The following PIP5K1B variants were observed in gnomAD, a reference collection of about 807,000 sequenced individuals.
The protein encoded by PIP5K1B is phosphatidylinositol-4-phosphate 5-kinase type 1 beta.
Under a neutral mutation model 67.0 loss-of-function variants are expected in PIP5K1B, and 42 were observed. That is an observed-to-expected ratio of 0.63 (90% confidence interval 0.49 to 0.81). PIP5K1B has a LOEUF of 0.81. PIP5K1B is among the 30% of genes least tolerant of loss of function. The probability of loss-of-function intolerance (pLI) is 0.00; values close to 1 mark genes in which losing one functional copy is unlikely to be tolerated. For synonymous variants in PIP5K1B, 214 were observed against 231.4 expected, an observed-to-expected ratio of 0.92 and a Z score of 0.68; for missense variants, 459 against 646.3, an observed-to-expected ratio of 0.71 and a Z score of 3.14.
intron 2 of PIP5K1B, among the ~76,000 whole-genome samples, chr9:68,768,624 T>C (rs549062834): frequency 6.6e-6 from 1 of 152,364 alleles, no homozygotes; most frequent in East Asian, 1.9e-4. Context: ...GTTTAACTTT[T>C]AAATTTGTTT....
intron 1 of PIP5K1B, among the ~76,000 whole-genome samples, chr9:68,712,190 C>T (rs1057273680): frequency 1.3e-5 from 2 of 152,128 alleles, no homozygotes; most frequent in East Asian, 1.9e-4. Flanking sequence ...TGTTTCAAAG[C>T]GTGTGGCATC....
chr9:68,746,403 C>T (rs1035603960), intron 2 of PIP5K1B, among the ~76,000 whole-genome samples: 3 of 152,158 alleles, frequency 2.0e-5, no homozygotes, highest in Non-Finnish European at 4.4e-5. Flanking sequence ...TTTGGAAGTA[C>T]TGAGACAAGG....
intron 2 of PIP5K1B, chr9:68,780,035 A>G: frequency 4.0e-6 from 5 of 1,256,730 alleles, no homozygotes; most frequent in Non-Finnish European, 5.2e-6. Flanking sequence ...GCGAAGGGCT[A>G]CGCATGCGCA....
rs142866172 is a variant in PIP5K1B at position 68,830,294 on chromosome 9, C to T, written c.69+7611C>T. The stretch of plus-strand genomic sequence containing the variant: ...GCACCCCCCGCCCTGTCAGATCACC[C>T]CTCCAAACACTTGTGCTTCTGTCTC... On this transcript the variant is annotated intron_variant, in intron 4 of 15. Transcript: ENST00000265382. 2.8e-4 allele frequency among the ~76,000 whole-genome samples: 43 copies of T among 152,224 alleles called. No individual in the cohort carries two copies. In the East Asian group the frequency reaches 7.3e-3, roughly 26 times the overall value.
chr9:68,915,410 G>A (rs958747933), intron 8 of PIP5K1B, among the ~76,000 whole-genome samples: 1 of 152,148 alleles, frequency 6.6e-6, no homozygotes, highest in South Asian at 2.1e-4. Flanking sequence ...GTTTCTGTCT[G>A]AAGAAAGCAT....
At chr9:68,754,084 G>A (rs1038883865) in intron 2 of PIP5K1B, among the ~76,000 whole-genome samples, 1 of 152,008 alleles carries the variant, frequency 6.6e-6, no homozygotes, top group Non-Finnish European at 1.5e-5. Context: ...TTATTTAAGG[G>A]AACATTGTCA....
intron 5 of PIP5K1B, among the ~76,000 whole-genome samples, chr9:68,865,582 T>C (rs1823316976): frequency 6.6e-6 from 1 of 152,090 alleles, no homozygotes; most frequent in South Asian, 2.1e-4. Context: ...GGTGGGGGTA[T>C]AAAGACGTTC....
At chr9:68,964,433 T>C (rs145701260) in intron 14 of PIP5K1B, among the ~76,000 whole-genome samples, 27 of 152,344 alleles carry the variant, frequency 1.8e-4, no homozygotes, top group African/African-American at 6.0e-4. Flanking sequence ...CATTGAACTT[T>C]GAATAAATTG....
At chr9:68,729,553 C>A (rs1311522228) in intron 1 of PIP5K1B, among the ~76,000 whole-genome samples, 1 of 152,128 alleles carries the variant, frequency 6.6e-6, no homozygotes, top group Non-Finnish European at 1.5e-5. Flanking sequence ...ATATCTATAT[C>A]TATACACACA....
At chr9:68,836,946 C>T (rs1227320856) in intron 4 of PIP5K1B, among the ~76,000 whole-genome samples, 1 of 152,208 alleles carries the variant, frequency 6.6e-6, no homozygotes, top group Non-Finnish European at 1.5e-5. Flanking sequence ...CCTCAGGCTT[C>T]CATTTCCATG....
At chr9:68,949,226 GT>G (rs1221480748) in intron 14 of PIP5K1B, among the ~76,000 whole-genome samples, 4 of 152,148 alleles carry the variant, frequency 2.6e-5, no homozygotes, top group Non-Finnish European at 5.9e-5. Context: ...GGTAGTGGAT[GT>G]ACCTTTGTAG....
At chr9:68,789,171 A>G (rs898307876) in intron 2 of PIP5K1B, 6 of 565,320 alleles carry the variant, frequency 1.1e-5, no homozygotes, top group African/African-American at 9.5e-5. Context: ...CCAAGGCACC[A>G]TTGACAGTTA....
intron 2 of PIP5K1B, chr9:68,780,589 T>TCACCAGCACC: frequency 6.2e-7 from 1 of 1,614,180 alleles, no homozygotes; most frequent in Non-Finnish European, 8.5e-7. Context: ...TTCATTCCTG[T>TCACCAGCACC]GTCACCAGCA....
rs1831200061 is a variant in PIP5K1B, at chr9:69,008,693, C to T, written c.*244C>T. Reference sequence around the variant, plus strand: ...GCTGAACTGTGAAGAACTGCATGAACTATATTTAAGCTGCTTTCTGTACCA... The same window carrying T: ...GCTGAACTGTGAAGAACTGCATGAATTATATTTAAGCTGCTTTCTGTACCA... On this transcript the variant is annotated 3_prime_UTR_variant, in exon 16 of 16. Coordinates refer to ENST00000265382, the MANE Select transcript of PIP5K1B (RefSeq NM_003558.4). 2.0e-6 allele frequency: 1 copy of T among 511,364 alleles called. No homozygotes were observed. The highest frequency in any genetic ancestry group is 1.9e-5 in the African/African-American group (1 of 52,586). The allele number at this position is 511,364 out of a possible 1,614,324, so 31.7% of individuals were successfully genotyped here.
chr9:68,763,918 G>T (rs1830303972), intron 2 of PIP5K1B, among the ~76,000 whole-genome samples: 1 of 151,984 alleles, frequency 6.6e-6, no homozygotes, highest in African/African-American at 2.4e-5. Flanking sequence ...TTGAAAGGCT[G>T]GTGGATTAGC....
chr9:68,854,328 C>G (rs1236703126), intron 4 of PIP5K1B, among the ~76,000 whole-genome samples: 1 of 151,948 alleles, frequency 6.6e-6, no homozygotes, highest in African/African-American at 2.4e-5. Context: ...AAAGGTCTTA[C>G]TATGCGGCCC....
intron 2 of PIP5K1B, among the ~76,000 whole-genome samples, chr9:68,765,183 G>A (rs1022287392): frequency 6.6e-6 from 1 of 151,952 alleles, no homozygotes; most frequent in Non-Finnish European, 1.5e-5. Context: ...ATTTAAAAAC[G>A]AAAGCTCTGA....
At chr9:68,972,342 G>T (rs929443472) in intron 14 of PIP5K1B, among the ~76,000 whole-genome samples, 10 of 152,114 alleles carry the variant, frequency 6.6e-5, no homozygotes, top group African/African-American at 2.4e-4. Context: ...TTCCATTGGT[G>T]TATATATCTG....
At chr9:69,005,495 C>A (rs1433557162) in intron 15 of PIP5K1B, among the ~76,000 whole-genome samples, 1 of 152,148 alleles carries the variant, frequency 6.6e-6, no homozygotes, top group African/African-American at 2.4e-5. Context: ...TCAAGCAATA[C>A]TCCTCCAAGT....
Sources: allele counts gnomAD v4.1 joint callset (sites outside exome capture counted in the v4.1 genomes callset), GRCh38; gene constraint gnomAD v4.1.1; transcripts MANE v1.5; gene names NCBI Gene and HGNC (gene_info 2026-07-23, HGNC 2026-07-21).